The following TMEM132B variants were observed in gnomAD, a reference collection of about 807,000 sequenced individuals.
The protein encoded by TMEM132B is transmembrane protein 132B.
In TMEM132B, 18 loss-of-function variants were observed where a neutral mutation model predicts 90.8. The observed-to-expected ratio is 0.20, with a 90% CI of 0.14 to 0.29. TMEM132B has a LOEUF of 0.29. Ranked by LOEUF, TMEM132B falls within the 10% of genes least tolerant of loss-of-function variation. The pLI is 1.00. For missense variants in TMEM132B, 1,096 were observed against 1,326.8 expected (o/e 0.83, Z 2.70); for synonymous variants, 504 against 523.3 (o/e 0.96, Z 0.50).
rs186898837 is a variant in TMEM132B at position 125,336,366 on chromosome 12, A to G, written c.68-13086A>G. ...GAGTAGTGTTCCACCCAACACAGGT[A>G]CCGAGGCTTCTTTAACCATTCCCTC... On this transcript the variant is annotated intron_variant, in intron 1 of 8. Coordinates refer to ENST00000682704, the MANE Select transcript of TMEM132B (RefSeq NM_001366854.1). 1.9e-3 allele frequency among the ~76,000 whole-genome samples: 282 copies of G among 152,300 alleles called. 3 individuals carry two copies. Among genetic ancestry groups the G allele is most frequent in the East Asian group, 0.011 (59 of 5,186 alleles).
At chr12:125,475,754 A>G (rs999858107) in intron 3 of TMEM132B, among the ~76,000 whole-genome samples, 12 of 152,144 alleles carry the variant, frequency 7.9e-5, no homozygotes, top group Non-Finnish European at 1.3e-4. Context: ...ACTCCCCTTT[A>G]TAGATATCTA....
intron 3 of TMEM132B, among the ~76,000 whole-genome samples, chr12:125,480,324 G>A (rs1882004502): frequency 6.6e-6 from 1 of 152,066 alleles, no homozygotes; most frequent in Non-Finnish European, 1.5e-5. Context: ...CCAGGAGCTG[G>A]TTTTTTGAAA....
chr12:125,392,669 G>T (rs1415260800), intron 2 of TMEM132B, among the ~76,000 whole-genome samples: 2 of 152,210 alleles, frequency 1.3e-5, no homozygotes, highest in Non-Finnish European at 2.9e-5. Flanking sequence ...AACCCACGTG[G>T]CTGAGGCCGG....
At chr12:125,609,277 T>G (rs964971773) in intron 5 of TMEM132B, among the ~76,000 whole-genome samples, 45 of 152,282 alleles carry the variant, frequency 3.0e-4, no homozygotes, top group African/African-American at 9.9e-4. Context: ...TCTATTCCAT[T>G]GAATCATATG....
chr12:125,365,505 T>C (rs1340768396), intron 2 of TMEM132B, among the ~76,000 whole-genome samples: 1 of 152,154 alleles, frequency 6.6e-6, no homozygotes, highest in East Asian at 1.9e-4. Flanking sequence ...TGTTCTTCAT[T>C]CCTTTCTGGG....
In TMEM132B at chr12:125,406,996, T is replaced by C. The variant is rs1879511572; in HGVS notation, c.960-8535T>C. ...GGACAGCATTTGCTTCTCCCAGAGC[T>C]GATGTGCAACCATAGGCACAGAGTG... On this transcript the variant is annotated intron_variant, in intron 2 of 8. Transcript: ENST00000682704. This position sits in a 1 kb window ranked among gnomAD's most constrained non-coding sequence, Gnocchi z 8.3. Among the ~76,000 whole-genome samples, 1 of 152,204 alleles carries C rather than the reference T, an allele frequency of 6.6e-6. No individual in the cohort carries two copies. Among genetic ancestry groups the C allele is most frequent in the African/African-American group, 2.4e-5 (1 of 41,440 alleles).
At chr12:125,491,778 C>A (rs1043911528) in intron 3 of TMEM132B, among the ~76,000 whole-genome samples, 2 of 152,198 alleles carry the variant, frequency 1.3e-5, no homozygotes, top group African/African-American at 2.4e-5. Flanking sequence ...TTTGATTCCA[C>A]CCAGCCGTGC....
chr12:125,548,105 C>T (rs1223735532), intron 4 of TMEM132B, among the ~76,000 whole-genome samples: 1 of 152,168 alleles, frequency 6.6e-6, no homozygotes. Context: ...GAGAGGTCTG[C>T]CCCCACCAAA....
intron 1 of TMEM132B, among the ~76,000 whole-genome samples, chr12:125,269,280 C>A (rs1161230162): frequency 6.6e-6 from 1 of 152,216 alleles, no homozygotes; most frequent in African/African-American, 2.4e-5. Flanking sequence ...GGAGGGTCTC[C>A]TTGCTGCTTC....
chr12:125,629,001 G>C (rs1886296431), intron 5 of TMEM132B, among the ~76,000 whole-genome samples: 1 of 152,010 alleles, frequency 6.6e-6, no homozygotes, highest in African/African-American at 2.4e-5. Context: ...CTGTTCCATT[G>C]GTCTATGTGT....
rs551302305 is a variant in TMEM132B, at chr12:125,217,554, C to T, written c.67+30688C>T. On this transcript the variant is annotated intron_variant, in intron 1 of 8. Transcript: ENST00000682704. ...CTTGACCTTCCAGGCTTAGGCGATC[C>T]TCCCGCCTCAGCCTCCCGAGTAGCT... is the stretch of plus-strand genomic sequence containing the variant. Among the ~76,000 whole-genome samples the T allele has an allele frequency of 2.6e-3, 393 of 152,294 alleles. 7 individuals carry two copies. Among genetic ancestry groups the T allele is most frequent in the Non-Finnish European group, 6.8e-4 (46 of 68,018 alleles).
intron 2 of TMEM132B, among the ~76,000 whole-genome samples, chr12:125,388,890 A>T (rs1211704577): frequency 6.6e-6 from 1 of 152,110 alleles, no homozygotes; most frequent in African/African-American, 2.4e-5. Flanking sequence ...TTATCCTCAA[A>T]CTACAAAAGC....
intron 2 of TMEM132B, among the ~76,000 whole-genome samples, chr12:125,361,477 T>C (rs7138485): frequency 0.012 from 1,885 of 152,326 alleles, 43 homozygotes; most frequent in African/African-American, 0.042. Context: ...AGTCCCCATG[T>C]GGCAACAAAA....
At chr12:125,260,388 A>G (rs1440261446) in intron 1 of TMEM132B, among the ~76,000 whole-genome samples, 1 of 152,178 alleles carries the variant, frequency 6.6e-6, no homozygotes, top group Non-Finnish European at 1.5e-5. Flanking sequence ...TTTTAGAGAT[A>G]GAGTCTTGCT....
intron 3 of TMEM132B, among the ~76,000 whole-genome samples, chr12:125,477,204 A>G (rs768390108): frequency 2.0e-5 from 3 of 151,538 alleles, no homozygotes; most frequent in Non-Finnish European, 2.9e-5. Flanking sequence ...TCAAATGTGA[A>G]TATATATATA....
At chr12:125,531,296 C>T (rs1024989194) in intron 4 of TMEM132B, among the ~76,000 whole-genome samples, 1 of 152,144 alleles carries the variant, frequency 6.6e-6, no homozygotes, top group African/African-American at 2.4e-5. Context: ...AGTGATCTTC[C>T]CACTTCAGGT....
chr12:125,275,257 A>G (rs529148159), intron 1 of TMEM132B, among the ~76,000 whole-genome samples: 5 of 152,140 alleles, frequency 3.3e-5, no homozygotes, highest in Admixed American at 6.5e-5. Context: ...TTGTTATTTA[A>G]TCATATTCTG....
At chr12:125,625,564 G>C (rs187112878) in intron 5 of TMEM132B, among the ~76,000 whole-genome samples, 17 of 152,286 alleles carry the variant, frequency 1.1e-4, no homozygotes, top group Non-Finnish European at 2.4e-4. Flanking sequence ...CTATTTGCCT[G>C]TTGAAGGACA....
At chr12:125,417,222 C>T (rs1325964540) in intron 3 of TMEM132B, among the ~76,000 whole-genome samples, 2 of 151,114 alleles carry the variant, frequency 1.3e-5, no homozygotes, top group South Asian at 4.2e-4. Context: ...AAGGGGGAGG[C>T]GGGGGGTCTC....
Sources: gnomAD v4.1 joint callset for allele counts (sites outside exome capture counted in the v4.1 genomes callset) on GRCh38, gnomAD v4.1.1 for gene constraint, Gnocchi (gnomAD v3.1) non-coding constraint, MANE v1.5 for transcripts, NCBI Gene and HGNC (gene_info 2026-07-23, HGNC 2026-07-21) for gene names.